DCHS2: variants seen among roughly 807,000 people sequenced by gnomAD.
The protein encoded by DCHS2 is dachsous cadherin-related 2, also known as protocadherin-23.
DCHS2 carries 142 observed loss-of-function variants against 182.4 expected under a neutral mutation model. That is an observed-to-expected ratio of 0.78 (90% CI 0.68 to 0.89). The LOEUF is 0.89. DCHS2 is among the 40% of genes least tolerant of loss of function. The pLI, the probability that DCHS2 is intolerant of heterozygous loss-of-function variation, is 0.00. For synonymous variants in DCHS2, 1,740 were observed against 1,663.3 expected, an observed-to-expected ratio of 1.05 and a Z score of -1.12; for missense variants, 4,319 against 4,198.6, an observed-to-expected ratio of 1.03 and a Z score of -0.79.
At chr4:154,405,207 C>T (rs898339817) in intron 1 of DCHS2, among the ~76,000 whole-genome samples, 8 of 152,032 alleles carry the variant, frequency 5.3e-5, no homozygotes, top group South Asian at 2.1e-4. Flanking sequence ...GCTGAGATCA[C>T]GCCATTGCAC....
At position 154,232,488 on chromosome 4, in the gene DCHS2, TA is replaced by T. The variant is rs1731240918; in HGVS notation, c.*2047del. On this transcript the variant is annotated 3_prime_UTR_variant, in exon 20 of 20. Coordinates refer to ENST00000357232, the MANE Select transcript of DCHS2 (RefSeq NM_001358235.2). ...ATAATGAGTAAATAAATCACAGTAA[TA>T]AATAACTAACTTAGGGAATAGGTAG... 1 of 152,072 alleles carries T rather than the reference TA, an allele frequency of 6.6e-6. No individual in the cohort carries two copies. The highest frequency in any genetic ancestry group is 1.5e-5 in the Non-Finnish European group (1 of 67,988). The allele number at this position is 152,072 out of a possible 1,614,324, so 9.4% of individuals were successfully genotyped here. A position where few individuals can be genotyped will look rare whatever the true frequency, so the allele number is the denominator to read the frequency against.
chr4:154,373,762 C>A (rs946588123), intron 2 of DCHS2: 2 of 612,362 alleles, frequency 3.3e-6, no homozygotes, highest in Non-Finnish European at 5.6e-6. Context: ...AGCCTCATAC[C>A]TGCAAGACGG....
At position 154,333,081 on chromosome 4, in the gene DCHS2, C is replaced by T. The variant is rs377242724; in HGVS notation, c.3127G>A (p.Ala1043Thr). The T allele has an allele frequency of 3.2e-5, 51 of 1,613,878 alleles. No individual in the cohort carries two copies. Among genetic ancestry groups the T allele is most frequent in the Non-Finnish European group, 4.2e-5 (50 of 1,179,984 alleles). ...AGCGTGAGCTCCCGCTGCTCGCCCG[C>T]GCCCAGGCTGCCGTTGAGGAACAGC... ...GVLFLNGSLG[A>T]GEQRELTLTL... Residue 1043 changes from alanine to threonine, a missense_variant, in exon 5 of 20, where the codon GCG becomes ACG. Coordinates refer to ENST00000357232, the MANE Select transcript of DCHS2 (RefSeq NM_001358235.2).
intron 1 of DCHS2, among the ~76,000 whole-genome samples, chr4:154,392,674 T>C (rs942634698): frequency 3.3e-5 from 5 of 152,208 alleles, no homozygotes; most frequent in Non-Finnish European, 5.9e-5. Flanking sequence ...GATCTAACTA[T>C]GGAAGTGTGG....
chr4:154,426,051 G>A (rs996435002), intron 1 of DCHS2, among the ~76,000 whole-genome samples: 10 of 151,938 alleles, frequency 6.6e-5, no homozygotes, highest in Non-Finnish European at 1.0e-4. Context: ...TGCCCTCTTG[G>A]CCTCTGTTTT....
intron 1 of DCHS2, among the ~76,000 whole-genome samples, chr4:154,467,137 T>G (rs1735272016): frequency 6.6e-6 from 1 of 152,206 alleles, no homozygotes; most frequent in Non-Finnish European, 1.5e-5. Flanking sequence ...TGGTATACAT[T>G]TTTTAAATAG....
In DCHS2 at chr4:154,235,384, T is replaced by TTGAG; in HGVS notation, c.9264_9267dup (p.Asn3090LeufsTer17). On this transcript the variant is annotated frameshift_variant, in exon 20 of 20. Transcript: ENST00000357232. LOFTEE classifies it low-confidence loss of function (END_TRUNC). ...TCCACAGAACAGTGGCCACTGGAGTTTGAGTGTCTGTACAGATTGACAATA... is the reference window on the plus strand; with the variant it reads ...TCCACAGAACAGTGGCCACTGGAGTTTGAGTGAGTGTCTGTACAGATTGACAATA... The TTGAG allele has an allele frequency of 6.2e-7, 1 of 1,614,064 alleles. No individual in the cohort carries two copies. The highest frequency in any genetic ancestry group is 8.5e-7 in the Non-Finnish European group (1 of 1,179,968).
chr4:154,291,471 G>A (rs1281952333), intron 13 of DCHS2, among the ~76,000 whole-genome samples: 3 of 152,082 alleles, frequency 2.0e-5, no homozygotes, highest in African/African-American at 7.2e-5. Context: ...GAGAAAATCA[G>A]TACATTGAAG....
chr4:154,238,968 A>T (rs764048063), intron 19 of DCHS2, among the ~76,000 whole-genome samples: 11 of 152,086 alleles, frequency 7.2e-5, no homozygotes, highest in Admixed American at 1.3e-4. Context: ...CTTTCCAGCC[A>T]CTGAGATGTT....
At position 154,234,915 on chromosome 4, in the gene DCHS2, G is replaced by A. The variant is rs766256304; in HGVS notation, c.9737C>T (p.Pro3246Leu). The A allele has an allele frequency of 2.1e-5, 34 of 1,613,854 alleles. No homozygotes were observed. Among genetic ancestry groups the A allele is most frequent in the Non-Finnish European group, 2.8e-5 (33 of 1,179,934 alleles). ...AATATCATTAAATACTGAGGCAAGA[G>A]GTTGGAATTTGGGCTCCCAACTAAG... Reference protein sequence around the residue: ...YLLSWEPKFQPLASVFNDIAK... With the variant: ...YLLSWEPKFQLLASVFNDIAK... Residue 3246 changes from proline to leucine, a missense_variant, in exon 20 of 20, where the codon CCT becomes CTT. By Grantham distance (98) the Pro-to-Leu change is moderately conservative (BLOSUM62 -3). Coordinates refer to ENST00000357232, the MANE Select transcript of DCHS2 (RefSeq NM_001358235.2).
At chr4:154,324,127 G>A (rs542880488) in intron 7 of DCHS2, among the ~76,000 whole-genome samples, 1 of 152,318 alleles carries the variant, frequency 6.6e-6, no homozygotes, top group South Asian at 2.1e-4. Flanking sequence ...ACTATGATAA[G>A]TAAAATTTTG....
chr4:154,487,308 T>C (rs1362550307), intron 1 of DCHS2, among the ~76,000 whole-genome samples: 1 of 152,182 alleles, frequency 6.6e-6, no homozygotes, highest in Non-Finnish European at 1.5e-5. Flanking sequence ...GCAGTACATC[T>C]GACGCTGCAT....
At chr4:154,465,166 C>T (rs1055814445) in intron 1 of DCHS2, among the ~76,000 whole-genome samples, 1 of 152,168 alleles carries the variant, frequency 6.6e-6, no homozygotes, top group South Asian at 2.1e-4. Context: ...GGACTTCCAA[C>T]AGGCTGCAAT....
intron 1 of DCHS2, among the ~76,000 whole-genome samples, chr4:154,480,905 G>A (rs1489593616): frequency 2.0e-5 from 3 of 152,038 alleles, no homozygotes; most frequent in Non-Finnish European, 4.4e-5. Flanking sequence ...TGAGATTACA[G>A]ACATGAGCCA....
At chr4:154,300,741 A>G (rs1735166488) in intron 12 of DCHS2, among the ~76,000 whole-genome samples, 1 of 151,964 alleles carries the variant, frequency 6.6e-6, no homozygotes, top group Non-Finnish European at 1.5e-5. Context: ...TGAAAATGGG[A>G]AGGTTAGGAG....
intron 1 of DCHS2, among the ~76,000 whole-genome samples, chr4:154,479,719 C>T (rs527493864): frequency 6.6e-6 from 1 of 152,124 alleles, no homozygotes; most frequent in Admixed American, 6.5e-5. Flanking sequence ...TAAGAGTATG[C>T]TGTGATATAT....
intron 3 of DCHS2, chr4:154,352,592 T>C (rs923518485): frequency 6.6e-6 from 1 of 152,196 alleles, no homozygotes; most frequent in African/African-American, 2.4e-5. Context: ...TTACAGACCG[T>C]CACTGAAAGG....
rs761805031 is a variant in DCHS2 at position 154,234,744 on chromosome 4, T to G, written c.9908A>C (p.Gln3303Pro). The stretch of plus-strand genomic sequence containing the variant: ...AGAGCGTGGGTGTTTCGGAGGCACC[T>G]GCCCCAGGTTTACTGCCGGCATTCT... Reference protein sequence around the residue: ...PPRMPAVNLGQVPPKHPRSPI... With the variant: ...PPRMPAVNLGPVPPKHPRSPI... The change falls in exon 20 of 20, where the codon CAG (glutamine) becomes CCG (proline). Residue 3303 changes from glutamine to proline, a missense_variant. Coordinates refer to ENST00000357232, the MANE Select transcript of DCHS2 (RefSeq NM_001358235.2). The G allele has an allele frequency of 1.9e-6, 3 of 1,613,824 alleles. No individual in the cohort carries two copies. The highest frequency in any genetic ancestry group is 2.5e-6 in the Non-Finnish European group (3 of 1,179,906).
At position 154,489,292 on chromosome 4, in the gene DCHS2, T is replaced by C; in HGVS notation, c.2052+12A>G. On this transcript the variant is annotated intron_variant, in intron 1 of 19. Transcript: ENST00000357232. ...AAGCCTTCAGGTTGGCCCACAGGCC[T>C]GATGCACTCACCTGCAGAAAGCAGT... 1 of 1,499,596 alleles carries C rather than the reference T, an allele frequency of 6.7e-7. No homozygotes were observed. Among genetic ancestry groups the C allele is most frequent in the Non-Finnish European group, 9.0e-7 (1 of 1,115,998 alleles). The allele number at this position is 1,499,596 out of a possible 1,614,324, so 92.9% of individuals were successfully genotyped here. A position where few individuals can be genotyped will look rare whatever the true frequency, so the allele number is the denominator to read the frequency against.
Sources: gnomAD v4.1 joint callset for allele counts (sites outside exome capture counted in the v4.1 genomes callset) on GRCh38, gnomAD v4.1.1 for gene constraint, MANE v1.5 for transcripts, NCBI Gene and HGNC (gene_info 2026-07-23, HGNC 2026-07-21) for gene names.